Variants in IARS2 observed in about 807,000 individuals in gnomAD.
IARS2 encodes isoleucyl-tRNA synthetase 2, mitochondrial.
A neutral mutation model predicts 126.3 loss-of-function variants in IARS2; 56 were observed. The observed-to-expected ratio is 0.44, with a 90% CI of 0.36 to 0.55. The LOEUF (loss-of-function observed/expected upper bound fraction) is 0.55. IARS2 is among the 20% of genes least tolerant of loss of function. The probability of loss-of-function intolerance (pLI) is 0.00; values close to 1 mark genes in which losing one functional copy is unlikely to be tolerated. For missense variants in IARS2, 1,127 were observed against 1,245.9 expected, an observed-to-expected ratio of 0.90 and a Z score of 1.44; for synonymous variants, 407 against 441.1, an observed-to-expected ratio of 0.92 and a Z score of 0.97.
chr1:220,101,890 A>T (rs1262569910), intron 3 of IARS2, among the ~76,000 whole-genome samples: 1 of 151,944 alleles, frequency 6.6e-6, no homozygotes, highest in African/African-American at 2.4e-5. Context: ...AGTCCCAGCT[A>T]CTCAGGAGGC....
intron 21 of IARS2, among the ~76,000 whole-genome samples, chr1:220,143,506 G>A (rs1307729662): frequency 6.6e-6 from 1 of 152,124 alleles, no homozygotes; most frequent in Non-Finnish European, 1.5e-5. Context: ...TGTAGGGATA[G>A]GGAAGGAATA....
rs558988463 is a variant in IARS2, at chr1:220,125,476, G to A, written c.1743+137G>A. On this transcript the variant is annotated intron_variant, in intron 13 of 22. Coordinates refer to ENST00000366922, the MANE Select transcript of IARS2 (RefSeq NM_018060.4). ...TTACTGTAAATTAGAAGCTAATGCA[G>A]TGTGAAAGTAGACATTTTGTTTAAC... The A allele has an allele frequency of 2.2e-5, 13 of 602,474 alleles. No homozygotes were observed. In the East Asian group the frequency reaches 3.4e-4, roughly 16 times the overall value. The allele number at this position is 602,474 out of a possible 1,614,324, so 37.3% of individuals were successfully genotyped here.
Position 220,143,030 on chromosome 1 carries a change from T to G in IARS2, c.2647T>G (p.Cys883Gly). 6.2e-7 allele frequency: 1 copy of G among 1,614,182 alleles called. No homozygotes were observed. Among genetic ancestry groups the G allele is most frequent in the Non-Finnish European group, 8.5e-7 (1 of 1,180,008 alleles). The change falls in exon 21 of 23, where the codon TGT becomes GGT. Residue 883 changes from cysteine to glycine, a missense_variant. By Grantham distance (159) the Cys-to-Gly change is radical. Transcript: ENST00000366922. ...PGLEEAVESACAMRDSFLGSI... is the reference protein window; with the variant it reads ...PGLEEAVESAGAMRDSFLGSI... ...GTTGGAAGAAGCTGTGGAGAGTGCG[T>G]GTGCAATGCGAGACTCATTTCTTGG...
chr1:220,140,431 T>C, intron 19 of IARS2, 142 bp downstream of exon 19: 1 of 576,046 alleles, frequency 1.7e-6, no homozygotes, highest in South Asian at 2.1e-5. Flanking sequence ...ATACAAAAAT[T>C]AGCCGGGCAT....
chr1:220,126,617 A>G, intron 13 of IARS2, 133 bp from the exon 14 acceptor site: 1 of 685,500 alleles, frequency 1.5e-6, no homozygotes, highest in Non-Finnish European at 2.5e-6. Context: ...AATGCTTAAA[A>G]ATACTGTAAA....
chr1:220,117,812 T>C (rs1400778992), intron 12 of IARS2: 1 of 504,572 alleles, frequency 2.0e-6, no homozygotes, highest in Non-Finnish European at 4.1e-6. Flanking sequence ...TCTGTGTACC[T>C]GCCATTGCGT....
chr1:220,107,214 C>A, intron 10 of IARS2, 63 bp downstream of exon 10: 1 of 1,035,432 alleles, frequency 9.7e-7, no homozygotes, highest in Non-Finnish European at 1.5e-6. Context: ...GTAACCTTTG[C>A]TACCTATTTT....
chr1:220,120,123 C>G (rs1657007722), intron 12 of IARS2, among the ~76,000 whole-genome samples: 1 of 150,542 alleles, frequency 6.6e-6, no homozygotes, highest in Non-Finnish European at 1.5e-5. Flanking sequence ...CTCTTGTTCC[C>G]CAGGCTGGAG....
chr1:220,144,978 C>T (rs1288106275), intron 21 of IARS2, among the ~76,000 whole-genome samples: 1 of 151,700 alleles, frequency 6.6e-6, no homozygotes, highest in Non-Finnish European at 1.5e-5. Flanking sequence ...ATTCAGTCTA[C>T]TTCATAAGTG....
At chr1:220,141,997 G>GTATTACATCCCTAGAAAAAGAA in intron 20 of IARS2, 49 bp downstream of exon 20, 2 of 1,559,676 alleles carry the variant, frequency 1.3e-6, no homozygotes, top group Non-Finnish European at 1.8e-6. Flanking sequence ...CCCTGATCAA[G>GTATTACATCCCTAGAAAAAGAA]GTGCAACTTC....
At chr1:220,140,482 G>C (rs1429813560) in intron 19 of IARS2, among the ~76,000 whole-genome samples, 193 bp downstream of exon 19, 1 of 152,142 alleles carries the variant, frequency 6.6e-6, no homozygotes, top group African/African-American at 2.4e-5. Context: ...AGGAGACTGA[G>C]GCACGAGAAT....
Position 220,102,348 on chromosome 1 carries a change from T to G in IARS2, c.700-15T>G, listed in dbSNP as rs771648093. On this transcript the variant is annotated splice_polypyrimidine_tract_variant and intron_variant, in intron 4 of 22. Coordinates refer to ENST00000366922, the MANE Select transcript of IARS2 (RefSeq NM_018060.4). Reference sequence around the variant, plus strand: ...CAAGATTCTACTTTTAACATCATATTTTTGTCTTTTATAGGGCTTGGTTTA... The same window carrying G: ...CAAGATTCTACTTTTAACATCATATGTTTGTCTTTTATAGGGCTTGGTTTA... 6.2e-7 allele frequency: 1 copy of G among 1,612,984 alleles called. No individual in the cohort carries two copies. Among genetic ancestry groups the G allele is most frequent in the Admixed American group, 1.7e-5 (1 of 59,746 alleles).
chr1:220,115,873 C>T (rs1656901869), intron 12 of IARS2, among the ~76,000 whole-genome samples: 2 of 152,142 alleles, frequency 1.3e-5, no homozygotes, highest in South Asian at 4.1e-4. Context: ...ATGCAAACTA[C>T]TTGGTGTAAA....
chr1:220,129,865 A>G (rs1160843606), intron 14 of IARS2, among the ~76,000 whole-genome samples: 2 of 152,204 alleles, frequency 1.3e-5, no homozygotes, highest in Non-Finnish European at 2.9e-5. Context: ...CTTTGCATAA[A>G]TACCTAGTAG....
In IARS2 at chr1:220,094,373, C is replaced by T. The variant is rs1389135965; in HGVS notation, c.157C>T (p.Pro53Ser). Residue 53 changes from proline (P) to serine (S), a missense_variant, in exon 1 of 23, where the codon CCG (proline) becomes TCG (serine). Physicochemically the swap from Pro to Ser is moderately conservative, Grantham distance 74. Transcript: ENST00000366922. ...RSVSGASNHQ[P>S]NSNSGRYRDT... ...GGTCTCCGGGGCCAGTAACCACCAG[C>T]CGAACTCGAATAGTGGCAGATACCG... The T allele has an allele frequency of 4.3e-6, 7 of 1,613,040 alleles. No homozygotes were observed. The Admixed American group carries it at 8.3e-5, about 19-fold the overall frequency.
chr1:220,100,102 C>G (rs1656540874), intron 2 of IARS2, among the ~76,000 whole-genome samples: 1 of 152,136 alleles, frequency 6.6e-6, no homozygotes, highest in Non-Finnish European at 1.5e-5. Flanking sequence ...CCTCTGGTAT[C>G]TAAAATGAAT....
intron 16 of IARS2, 114 bp downstream of exon 16, chr1:220,137,025 C>T (rs533121577): frequency 3.4e-6 from 2 of 594,614 alleles, no homozygotes; most frequent in South Asian, 2.4e-5. Context: ...TTTATACTCT[C>T]AAATAACACA....
intron 9 of IARS2, among the ~76,000 whole-genome samples, chr1:220,106,742 C>T (rs1656689266): frequency 6.6e-6 from 1 of 151,270 alleles, no homozygotes; most frequent in African/African-American, 2.4e-5. Flanking sequence ...AAGCGATTCT[C>T]CTGCCTCAGC....
chr1:220,141,496 T>A (rs750170251), intron 19 of IARS2, among the ~76,000 whole-genome samples: 12 of 152,078 alleles, frequency 7.9e-5, no homozygotes, highest in Non-Finnish European at 1.6e-4. Flanking sequence ...AACATTGGAG[T>A]GGGTGGGAGC....
Sources: gnomAD v4.1 joint callset for allele counts (sites outside exome capture counted in the v4.1 genomes callset) on GRCh38, gnomAD v4.1.1 for gene constraint, MANE v1.5 for transcripts, NCBI Gene and HGNC (gene_info 2026-07-23, HGNC 2026-07-21) for gene names.